ATAD2B: variants seen among roughly 807,000 people sequenced by gnomAD.
The protein encoded by ATAD2B is ATPase family AAA domain containing 2B, also known as ATPase family AAA domain-containing protein 2B.
ATAD2B carries 40 observed loss-of-function variants against 167.6 expected under a neutral mutation model. That is an observed-to-expected ratio of 0.24 (90% CI 0.19 to 0.31). The LOEUF is 0.31. ATAD2B is among the 10% of genes least tolerant of loss of function. ATAD2B has a pLI of 1.00. For missense variants in ATAD2B, 1,242 were observed against 1,757.2 expected, an observed-to-expected ratio of 0.71 and a Z score of 5.24; for synonymous variants, 579 against 596.5, an observed-to-expected ratio of 0.97 and a Z score of 0.43.
chr2:23,737,568 A>G, the ATAD2B span, among the ~76,000 whole-genome samples: 1 of 152,212 alleles, frequency 6.6e-6, no homozygotes, highest in Non-Finnish European at 1.5e-5. Context: ...TTCAAAGACC[A>G]AAAGTAGATA....
intron 6 of ATAD2B, among the ~76,000 whole-genome samples, chr2:23,881,588 C>A (rs538296143): frequency 6.6e-6 from 1 of 152,016 alleles, no homozygotes; most frequent in Non-Finnish European, 1.5e-5. Context: ...GTCTCGAACT[C>A]CAGACCTGGT....
At chr2:23,868,888 A>C (rs894547607) in intron 9 of ATAD2B, among the ~76,000 whole-genome samples, 11 of 152,234 alleles carry the variant, frequency 7.2e-5, no homozygotes, top group African/African-American at 2.4e-4. Context: ...AACTTCATTG[A>C]TATTTCTGAA....
At chr2:23,735,450 C>G in the ATAD2B span, among the ~76,000 whole-genome samples, 1 of 152,126 alleles carries the variant, frequency 6.6e-6, no homozygotes, top group Non-Finnish European at 1.5e-5. Flanking sequence ...ACTTTTTGTT[C>G]AACTTATAAA....
At chr2:23,727,237 CA>C in the ATAD2B span, among the ~76,000 whole-genome samples, 1 of 152,170 alleles carries the variant, frequency 6.6e-6, no homozygotes, top group Non-Finnish European at 1.5e-5. Context: ...TCTAAAAACT[CA>C]ACAAGCGTCA....
chr2:23,890,010 C>A (rs1452089953), intron 2 of ATAD2B, among the ~76,000 whole-genome samples: 2 of 151,476 alleles, frequency 1.3e-5, no homozygotes, highest in Non-Finnish European at 2.9e-5. Flanking sequence ...GTCAGGAGAT[C>A]GAGACCATCC....
chr2:23,699,304 C>T, the ATAD2B span, among the ~76,000 whole-genome samples: 3 of 152,310 alleles, frequency 2.0e-5, no homozygotes, highest in Admixed American at 6.5e-5. Flanking sequence ...CAGACCCAAC[C>T]CTGGTGGCAC....
chr2:23,888,871 TC>T (rs1699064590), intron 2 of ATAD2B, among the ~76,000 whole-genome samples: 2 of 152,158 alleles, frequency 1.3e-5, no homozygotes, highest in Admixed American at 6.5e-5. Flanking sequence ...ATCTGACAAA[TC>T]AAACAGCTGA....
chr2:23,909,305 G>A (rs1041429066), intron 1 of ATAD2B, among the ~76,000 whole-genome samples: 6 of 151,944 alleles, frequency 3.9e-5, no homozygotes, highest in African/African-American at 1.5e-4. Flanking sequence ...AGCTACTCAG[G>A]AGGCTGAGGT....
intron 1 of ATAD2B, among the ~76,000 whole-genome samples, chr2:23,916,903 G>A (rs1326295673): frequency 6.6e-6 from 1 of 152,090 alleles, no homozygotes; most frequent in African/African-American, 2.4e-5. Context: ...TTTTTTTATG[G>A]CATGTATTTG....
chr2:23,800,896 AG>A (rs1355018355), intron 18 of ATAD2B, among the ~76,000 whole-genome samples: 38 of 152,236 alleles, frequency 2.5e-4, no homozygotes, highest in African/African-American at 9.1e-4. Flanking sequence ...AAAAATAAAA[AG>A]GCTTCGCCTT....
At chr2:23,866,867 C>A (rs894454811) in intron 10 of ATAD2B, among the ~76,000 whole-genome samples, 4 of 152,114 alleles carry the variant, frequency 2.6e-5, no homozygotes, top group Admixed American at 1.3e-4. Flanking sequence ...CAAATAAATT[C>A]TTGGTTATGC....
At chr2:23,910,272 G>A (rs893400656) in intron 1 of ATAD2B, among the ~76,000 whole-genome samples, 1 of 149,426 alleles carries the variant, frequency 6.7e-6, no homozygotes, top group Non-Finnish European at 1.5e-5. Context: ...TCCACCTCCC[G>A]GGTTCAAGTG....
intron 1 of ATAD2B, 151 bp downstream of exon 1, chr2:23,926,404 G>A (rs991040234): frequency 6.6e-5 from 91 of 1,369,656 alleles, no homozygotes; most frequent in Non-Finnish European, 8.3e-5. Flanking sequence ...GCCCTTCTCT[G>A]GGTGCCACCC....
intron 12 of ATAD2B, among the ~76,000 whole-genome samples, chr2:23,859,432 C>T (rs1170313116): frequency 6.6e-6 from 1 of 152,066 alleles, no homozygotes; most frequent in Non-Finnish European, 1.5e-5. Context: ...CCTCAGCCAC[C>T]TAAGTAGCTA....
At chr2:23,867,211 A>G (rs925440312) in intron 10 of ATAD2B, among the ~76,000 whole-genome samples, 3 of 152,130 alleles carry the variant, frequency 2.0e-5, no homozygotes, top group Admixed American at 2.0e-4. Context: ...TCCTCTTCTC[A>G]TGTTCCCTAC....
chr2:23,921,205 CAA>C (rs61004964), intron 1 of ATAD2B, among the ~76,000 whole-genome samples: 6 of 32,288 alleles, frequency 1.9e-4, no homozygotes, highest in Non-Finnish European at 2.6e-4. Flanking sequence ...GACTCCATCT[CAA>C]AAAAAAAAAA....
chr2:23,869,645 A>T lies in ATAD2B; in HGVS notation c.1076+18T>A. The T allele has an allele frequency of 6.6e-7, 1 of 1,512,788 alleles. No homozygotes were observed. The highest frequency in any genetic ancestry group is 9.0e-7 in the Non-Finnish European group (1 of 1,111,010). The allele number at this position is 1,512,788 out of a possible 1,614,324, so 93.7% of individuals were successfully genotyped here. On this transcript the variant is annotated intron_variant, in intron 9 of 27. Coordinates refer to ENST00000238789, the MANE Select transcript of ATAD2B (RefSeq NM_017552.4). ...TCCTTTTTTCTACCATGGAAATAAC[A>T]TTACAAATTTTACTAACCTATTTCT...
chr2:23,881,706 T>C (rs747365091), intron 6 of ATAD2B, among the ~76,000 whole-genome samples: 2 of 151,648 alleles, frequency 1.3e-5, no homozygotes, highest in African/African-American at 4.8e-5. Flanking sequence ...TAAATTATAA[T>C]GTACATAAAT....
At chr2:23,923,138 G>C (rs1443916492) in intron 1 of ATAD2B, among the ~76,000 whole-genome samples, 1 of 152,206 alleles carries the variant, frequency 6.6e-6, no homozygotes, top group South Asian at 2.1e-4. Flanking sequence ...AGAAAACGTG[G>C]TGTACATGTG....
Sources: allele counts gnomAD v4.1 joint callset (sites outside exome capture counted in the v4.1 genomes callset), GRCh38; gene constraint gnomAD v4.1.1; transcripts MANE v1.5; gene names NCBI Gene and HGNC (gene_info 2026-07-23, HGNC 2026-07-21).